Variants in NYNRIN observed in about 807,000 individuals in gnomAD.
The protein encoded by NYNRIN is NYN domain and retroviral integrase containing.
NYNRIN carries 86 observed loss-of-function variants against 146.6 expected under a neutral mutation model. The ratio of observed to expected loss-of-function variants is 0.59; its 90% CI spans 0.49 to 0.70. The LOEUF is 0.70. Among genes scored for constraint, NYNRIN ranks in the 30% least tolerant of loss-of-function variants. The pLI is 0.00. For missense variants in NYNRIN, 2,191 were observed against 2,377.7 expected (o/e 0.92, Z 1.63); for synonymous variants, 1,027 against 1,001.3 (o/e 1.03, Z -0.48).
chr14:24,414,593 T>G lies in NYNRIN; in HGVS notation c.2847-3T>G. ...CTTCCCTCTTCCATCTGTTTTGGTG[T>G]AGGTTGGACACTGACATTGGCAACT... On this transcript the variant is annotated splice_region_variant and splice_polypyrimidine_tract_variant and intron_variant, in intron 8 of 8. Coordinates refer to ENST00000382554, the MANE Select transcript of NYNRIN (RefSeq NM_025081.3). The G allele has an allele frequency of 6.2e-7, 1 of 1,603,772 alleles. No individual in the cohort carries two copies. The highest frequency in any genetic ancestry group is 8.5e-7 in the Non-Finnish European group (1 of 1,173,542).
At chr14:24,405,002 G>A (rs1490994843) in intron 2 of NYNRIN, among the ~76,000 whole-genome samples, 1 of 10,970 alleles carries the variant, frequency 9.1e-5, no homozygotes, top group Non-Finnish European at 6.2e-4. Context: ...GCCTGTGTGT[G>A]TGTGTGTGTG....
Position 24,410,221 on chromosome 14 carries a change from G to C in NYNRIN, c.2414+13G>C, listed in dbSNP as rs778415773. The C allele has an allele frequency of 1.2e-5, 19 of 1,565,326 alleles. No individual in the cohort carries two copies. In the South Asian group the frequency reaches 2.1e-4, roughly 18 times the overall value. ...GTGTGGCCATGGTGTGAGTAGTCAC[G>C]GGCGTGGGGTGGGCTGGGGATGCTG... On this transcript the variant is annotated intron_variant, in intron 4 of 8. Transcript: ENST00000382554.
In NYNRIN at chr14:24,408,965, C is replaced by T. The variant is rs1302427181; in HGVS notation, c.1171C>T (p.Pro391Ser). 4 of 1,613,936 alleles carry T rather than the reference C, an allele frequency of 2.5e-6. No homozygotes were observed. Among genetic ancestry groups the T allele is most frequent in the Middle Eastern group, 1.6e-4 (1 of 6,062 alleles). The part of the protein sequence containing the change: ...WLLSQACFNF[P>S]FWQRPLGPIQ... Reference sequence around the variant, plus strand: ...CCTGTCCCAGGCGTGCTTCAATTTCCCCTTCTGGCAGAGACCTCTGGGCCC... The same window carrying T: ...CCTGTCCCAGGCGTGCTTCAATTTCTCCTTCTGGCAGAGACCTCTGGGCCC... Residue 391 changes from proline to serine, a missense_variant, in exon 4 of 9, where the codon CCC becomes TCC. This residue lies in a region of NYNRIN where 895 missense variants were observed against 941.2 expected (regional missense o/e 0.95). Transcript: ENST00000382554.
rs2042892740 is a variant in NYNRIN, at chr14:24,408,913, G to A, written c.1119G>A (p.Glu373=). 1.2e-6 allele frequency: 2 copies of A among 1,614,016 alleles called. No homozygotes were observed. The highest frequency in any genetic ancestry group is 1.7e-6 in the Non-Finnish European group (2 of 1,179,896). ...CTGCAACCTTCTGGAGGATCAATGAGCTGCATTCTCTACATCTGGCCTGGC... is the reference window on the plus strand; with the variant it reads ...CTGCAACCTTCTGGAGGATCAATGAACTGCATTCTCTACATCTGGCCTGGC... ...AIAATFWRIN[E]LHSLHLAWLL... The change falls in exon 4 of 9, where the codon GAG becomes GAA. Residue 373 remains glutamate (E), a synonymous_variant. Coordinates refer to ENST00000382554, the MANE Select transcript of NYNRIN (RefSeq NM_025081.3).
chr14:24,412,163 T>C (rs1037287522), intron 6 of NYNRIN, among the ~76,000 whole-genome samples: 2 of 152,202 alleles, frequency 1.3e-5, no homozygotes, highest in African/African-American at 2.4e-5. Context: ...CAACCAGGCC[T>C]GGGAAGGGCT....
intron 4 of NYNRIN, 110 bp from the exon 5 acceptor site, chr14:24,410,966 G>A: frequency 1.5e-6 from 2 of 1,308,388 alleles, no homozygotes; most frequent in Non-Finnish European, 2.1e-6. Context: ...GGGAAGGGGA[G>A]AGGGCATCAT....
At chr14:24,399,728 C>G (rs2042829178) in intron 2 of NYNRIN, among the ~76,000 whole-genome samples, 1 of 152,118 alleles carries the variant, frequency 6.6e-6, no homozygotes, top group Non-Finnish European at 1.5e-5. Context: ...GGTGTGTGTC[C>G]CCCATGAGAC....
rs2042894999 is a variant in NYNRIN, at chr14:24,409,229, A to G, written c.1435A>G (p.Ile479Val). The G allele has an allele frequency of 1.2e-6, 2 of 1,614,034 alleles. No homozygotes were observed. Among genetic ancestry groups the G allele is most frequent in the African/African-American group, 2.7e-5 (2 of 75,066 alleles). Residue 479 changes from isoleucine to valine, a missense_variant, in exon 4 of 9, where the codon ATA (isoleucine) becomes GTA (valine). By Grantham distance (29) the Ile-to-Val change is conservative (BLOSUM62 3). This residue lies in a region of NYNRIN where 895 missense variants were observed against 941.2 expected (regional missense o/e 0.95). Coordinates refer to ENST00000382554, the MANE Select transcript of NYNRIN (RefSeq NM_025081.3). ...KDKVSSDLPQ[I>V]GPPLTSTPQL... Reference sequence around the variant, plus strand: ...CAAAGTTAGCTCGGATCTCCCACAGATAGGGCCACCCTTGACCTCTACACC... The same window carrying G: ...CAAAGTTAGCTCGGATCTCCCACAGGTAGGGCCACCCTTGACCTCTACACC...
At position 24,418,780 on chromosome 14, in the gene NYNRIN, C is replaced by T. The variant is rs2042965362; in HGVS notation, c.*1334C>T. The T allele has an allele frequency of 6.5e-6, 1 of 152,828 alleles. No homozygotes were observed. Among genetic ancestry groups the T allele is most frequent in the Non-Finnish European group, 1.5e-5 (1 of 68,470 alleles). The allele number at this position is 152,828 out of a possible 1,614,324, so 9.5% of individuals were successfully genotyped here. On this transcript the variant is annotated 3_prime_UTR_variant, in exon 9 of 9. Coordinates refer to ENST00000382554, the MANE Select transcript of NYNRIN (RefSeq NM_025081.3). ...CTAGAGCCAGTGGAGAACTTGCCAACTTGATTGTTTTACAGCAGAGGAAAG... is the reference window on the plus strand; with the variant it reads ...CTAGAGCCAGTGGAGAACTTGCCAATTTGATTGTTTTACAGCAGAGGAAAG...
At position 24,415,160 on chromosome 14, in the gene NYNRIN, C is replaced by A; in HGVS notation, c.3411C>A (p.Ala1137=). Residue 1137 remains alanine, a synonymous_variant, in exon 9 of 9, where the codon GCC becomes GCA. Transcript: ENST00000382554. Reference sequence around the variant, plus strand: ...AGTGGGACCAGGAGCATGAGGAGGCCTTCCTGGCCCTGAAGCGAGCCCTGG... The same window carrying A: ...AGTGGGACCAGGAGCATGAGGAGGCATTCCTGGCCCTGAAGCGAGCCCTGG... ...DWQWDQEHEE[A]FLALKRALVS... 1.2e-6 allele frequency: 2 copies of A among 1,606,410 alleles called. No homozygotes were observed. The highest frequency in any genetic ancestry group is 1.7e-6 in the Non-Finnish European group (2 of 1,178,994).
rs1459499346 is a variant in NYNRIN at position 24,409,304 on chromosome 14, G to A, written c.1510G>A (p.Asp504Asn). 1.2e-6 allele frequency: 2 copies of A among 1,613,916 alleles called. No homozygotes were observed. Among genetic ancestry groups the A allele is most frequent in the Non-Finnish European group, 8.5e-7 (1 of 1,179,892 alleles). Reference sequence around the variant, plus strand: ...GGGGGATCAAGGGAGTATGCAGTTAGATTTTAAGGGACTGGAAGAGGGACC... The same window carrying A: ...GGGGGATCAAGGGAGTATGCAGTTAAATTTTAAGGGACTGGAAGAGGGACC... ...EPGDQGSMQLDFKGLEEGPAP... is the reference protein window; with the variant it reads ...EPGDQGSMQLNFKGLEEGPAP... The change falls in exon 4 of 9, where the codon GAT (aspartate) becomes AAT (asparagine). Residue 504 changes from aspartate (D) to asparagine (N), a missense_variant. Coordinates refer to ENST00000382554, the MANE Select transcript of NYNRIN (RefSeq NM_025081.3).
Position 24,408,273 on chromosome 14 carries a change from C to T in NYNRIN, c.603C>T (p.Asp201=), listed in dbSNP as rs1457463095. Residue 201 remains aspartate, a synonymous_variant, in exon 3 of 9, where the codon GAC becomes GAT. Coordinates refer to ENST00000382554, the MANE Select transcript of NYNRIN (RefSeq NM_025081.3). ...SLVRDAAGKE[D]IIEWLSRFGI... is the part of the protein sequence containing the mutation. Reference sequence around the variant, plus strand: ...TGCGGGATGCTGCGGGCAAGGAAGACATCATCGAGTGGCTCAGCCGCTTCG... The same window carrying T: ...TGCGGGATGCTGCGGGCAAGGAAGATATCATCGAGTGGCTCAGCCGCTTCG... 2 of 1,611,580 alleles carry T rather than the reference C, an allele frequency of 1.2e-6. No individual in the cohort carries two copies. The highest frequency in any genetic ancestry group is 8.5e-7 in the Non-Finnish European group (1 of 1,179,850).
rs1424353907 is a variant in NYNRIN at position 24,408,288 on chromosome 14, C to T, written c.618C>T (p.Leu206=). The stretch of plus-strand genomic sequence containing the variant: ...GCAAGGAAGACATCATCGAGTGGCT[C>T]AGCCGCTTCGGCATCTCTGACTCCC... ...AAGKEDIIEW[L]SRFGISDSHS... Residue 206 remains leucine (L), a synonymous_variant, in exon 3 of 9, where the codon CTC becomes CTT. Transcript: ENST00000382554. 2 of 1,612,510 alleles carry T rather than the reference C, an allele frequency of 1.2e-6. No individual in the cohort carries two copies. The highest frequency in any genetic ancestry group is 2.2e-5 in the East Asian group (1 of 44,880).
Position 24,408,777 on chromosome 14 carries a change from T to C in NYNRIN, c.983T>C (p.Ile328Thr). 1 of 1,613,952 alleles carries C rather than the reference T, an allele frequency of 6.2e-7. No homozygotes were observed. The highest frequency in any genetic ancestry group is 1.3e-5 in the African/African-American group (1 of 75,040). Residue 328 changes from isoleucine (I) to threonine (T), a missense_variant, in exon 4 of 9, where the codon ATA (isoleucine) becomes ACA (threonine). Ile to Thr is a moderately conservative substitution (Grantham distance 89). Coordinates refer to ENST00000382554, the MANE Select transcript of NYNRIN (RefSeq NM_025081.3). ...ALLKQRQVQK[I>T]EDKLLFQPPV... ...TTGAAGCAAAGGCAGGTCCAGAAGA[T>C]AGAAGATAAACTCCTCTTCCAACCT... is the stretch of plus-strand genomic sequence containing the variant.
At position 24,411,317 on chromosome 14, in the gene NYNRIN, C is replaced by T. The variant is rs373288197; in HGVS notation, c.2546-37C>T. On this transcript the variant is annotated intron_variant, in intron 5 of 8. Transcript: ENST00000382554. The surrounding 1 kb of genome is among the most constrained non-coding windows in gnomAD (Gnocchi z 4.3). ...AGAGTGGCCATTTCCACTTAGCCCT[C>T]CCTTGACCATTTCTGTCTTCTGCCT... is the stretch of plus-strand genomic sequence containing the variant. The T allele has an allele frequency of 7.4e-6, 12 of 1,613,096 alleles. No individual in the cohort carries two copies. In the African/African-American group the frequency reaches 1.5e-4, roughly 20 times the overall value.
At chr14:24,412,324 G>A (rs2042917401) in intron 6 of NYNRIN, among the ~76,000 whole-genome samples, 2 of 152,186 alleles carry the variant, frequency 1.3e-5, no homozygotes, top group Non-Finnish European at 1.5e-5. Flanking sequence ...ATGCTTTGGG[G>A]AGCCCGAATG....
chr14:24,410,810 G>T (rs1345560861), intron 4 of NYNRIN, among the ~76,000 whole-genome samples: 1 of 152,194 alleles, frequency 6.6e-6, no homozygotes, highest in Admixed American at 6.5e-5. Flanking sequence ...TGGAGGGGCT[G>T]CCTTCTTCCT....
chr14:24,400,634 A>G lies in NYNRIN; in HGVS notation c.198+1190A>G, dbSNP rs748891409. ...GGGAAGGGGTGTCTTCCCAAAGAAC[A>G]TATGTACTGGAGGCCTTGAGAGGAA... On this transcript the variant is annotated intron_variant, in intron 2 of 8. Coordinates refer to ENST00000382554, the MANE Select transcript of NYNRIN (RefSeq NM_025081.3). 2.8e-4 allele frequency among the ~76,000 whole-genome samples: 43 copies of G among 152,112 alleles called. 2 individuals are homozygous for G. Among genetic ancestry groups the G allele is most frequent in the Admixed American group, 2.7e-3 (42 of 15,284 alleles).
intron 2 of NYNRIN, among the ~76,000 whole-genome samples, chr14:24,407,531 C>T (rs1019944591): frequency 6.6e-6 from 1 of 152,188 alleles, no homozygotes; most frequent in Non-Finnish European, 1.5e-5. Flanking sequence ...CTTTCTTTTT[C>T]TTGGTGAAGA....
Sources: allele counts gnomAD v4.1 joint callset (sites outside exome capture counted in the v4.1 genomes callset), GRCh38; gene constraint gnomAD v4.1.1; regional missense constraint gnomAD v4.1.1; non-coding constraint Gnocchi (gnomAD v3.1); transcripts MANE v1.5; gene names NCBI Gene and HGNC (gene_info 2026-07-23, HGNC 2026-07-21).